PCDHGA3: variants seen among roughly 807,000 people sequenced by gnomAD.
PCDHGA3 encodes protocadherin gamma-A3.
A neutral mutation model predicts 58.5 loss-of-function variants in PCDHGA3; 40 were observed. That is an observed-to-expected ratio of 0.68 (90% CI 0.53 to 0.89). The LOEUF is 0.89. Among genes scored for constraint, PCDHGA3 ranks in the 40% least tolerant of loss-of-function variants. PCDHGA3 has a pLI of 0.00. For missense variants in PCDHGA3, 1,223 were observed against 1,195.9 expected, an observed-to-expected ratio of 1.02 and a Z score of -0.33; for synonymous variants, 530 against 525.7, an observed-to-expected ratio of 1.01 and a Z score of -0.11.
In PCDHGA3 at chr5:141,432,293, G is replaced by A; in HGVS notation, c.2425-62514G>A. On this transcript the variant is annotated intron_variant, in intron 1 of 3. Transcript: ENST00000253812. The surrounding 1 kb of genome is among the most constrained non-coding windows in gnomAD (Gnocchi z 6.0). ...CTACGTGTCCATCAACTCCGACACT[G>A]GGGTACTGTATGCGCTGAGCTCCTT... 1 of 1,614,254 alleles carries A rather than the reference G, an allele frequency of 6.2e-7. No homozygotes were observed. Among genetic ancestry groups the A allele is most frequent in the Non-Finnish European group, 8.5e-7 (1 of 1,180,040 alleles).
At chr5:141,434,561 G>A (rs2097702856) in intron 1 of PCDHGA3, among the ~76,000 whole-genome samples, 1 of 152,188 alleles carries the variant, frequency 6.6e-6, no homozygotes, top group Non-Finnish European at 1.5e-5. Flanking sequence ...GTGCCTTAAG[G>A]ACATGCCCCT....
At chr5:141,386,122 A>G (rs980639132) in intron 1 of PCDHGA3, 1 of 152,152 alleles carries the variant, frequency 6.6e-6, no homozygotes, top group Non-Finnish European at 1.5e-5. Flanking sequence ...AAAGTGGGAG[A>G]TTGGGGATAC....
rs1390278177 is a variant in PCDHGA3, at chr5:141,366,317, G to A, written c.2424+19860G>A. The A allele has an allele frequency of 1.9e-6, 3 of 1,613,628 alleles. No homozygotes were observed. In the South Asian group the frequency reaches 3.3e-5, roughly 18 times the overall value. ...GTCAGCCACCTTCACGGTCACCGTT[G>A]CCGTGGCCGACAGGATCCCTGACAT... On this transcript the variant is annotated intron_variant, in intron 1 of 3. Coordinates refer to ENST00000253812, the MANE Select transcript of PCDHGA3 (RefSeq NM_018916.4).
intron 1 of PCDHGA3, chr5:141,389,914 C>T (rs754458764): frequency 6.2e-7 from 1 of 1,613,956 alleles, no homozygotes; most frequent in South Asian, 1.1e-5. Flanking sequence ...ACTGACCGCC[C>T]CGACCCCTCT....
chr5:141,388,775 G>A (rs1187741321), intron 1 of PCDHGA3: 1 of 1,613,726 alleles, frequency 6.2e-7, no homozygotes, highest in Non-Finnish European at 8.5e-7. Context: ...CTAACACCGG[G>A]GAAATTACTG....
chr5:141,356,677 G>A (rs759254327), intron 1 of PCDHGA3: 78 of 1,613,980 alleles, frequency 4.8e-5, no homozygotes, highest in Middle Eastern at 1.6e-4. Flanking sequence ...CTCCCTGGCC[G>A]AAGACACCTT....
rs771503687 is a variant in PCDHGA3 at position 141,383,368 on chromosome 5, G to T, written c.2424+36911G>T. 3 of 1,614,014 alleles carry T rather than the reference G, an allele frequency of 1.9e-6. No individual in the cohort carries two copies. In the East Asian group the frequency reaches 6.7e-5, roughly 36 times the overall value. ...TGGGGTTCGGTTTCCGTTAAGCGAG[G>T]CTGGGGATCCAGATGTGGGCACGAA... On this transcript the variant is annotated intron_variant, in intron 1 of 3. Coordinates refer to ENST00000253812, the MANE Select transcript of PCDHGA3 (RefSeq NM_018916.4).
At chr5:141,435,054 C>A (rs891988253) in intron 1 of PCDHGA3, among the ~76,000 whole-genome samples, 7 of 151,964 alleles carry the variant, frequency 4.6e-5, no homozygotes, top group Admixed American at 1.3e-4. Context: ...ATTGACCATG[C>A]AGCAGTTTTG....
rs978049964 is a variant in PCDHGA3 at position 141,376,740 on chromosome 5, G to A, written c.2424+30283G>A. On this transcript the variant is annotated intron_variant, in intron 1 of 3. Coordinates refer to ENST00000253812, the MANE Select transcript of PCDHGA3 (RefSeq NM_018916.4). ...TGTCGCCCAGGCCGGACTGCGGACT[G>A]CAGTGGCGCAATCTCGGCTCACTGC... is the stretch of plus-strand genomic sequence containing the variant. 6 of 494,230 alleles carry A rather than the reference G, an allele frequency of 1.2e-5. No homozygotes were observed. In the Admixed American group the frequency reaches 1.2e-4, roughly 10 times the overall value. The allele number at this position is 494,230 out of a possible 1,614,324, so 30.6% of individuals were successfully genotyped here.
intron 1 of PCDHGA3, chr5:141,384,125 A>T (rs376990785): frequency 1.2e-6 from 2 of 1,610,814 alleles, no homozygotes; most frequent in Non-Finnish European, 1.7e-6. Flanking sequence ...ACAACCAAAA[A>T]CTTGGACCGG....
Position 141,490,345 on chromosome 5 carries a change from G to C in PCDHGA3, c.2425-4462G>C, listed in dbSNP as rs2099698831. On this transcript the variant is annotated intron_variant, in intron 1 of 3. Coordinates refer to ENST00000253812, the MANE Select transcript of PCDHGA3 (RefSeq NM_018916.4). This position sits in a 1 kb window ranked among gnomAD's most constrained non-coding sequence, Gnocchi z 5.4. ...AGAGAGCACACCAGTGGGCACAGTA[G>C]TGGGGTTGTTTAATGTGCGAGACCG... is the stretch of plus-strand genomic sequence containing the variant. 1 of 1,614,216 alleles carries C rather than the reference G, an allele frequency of 6.2e-7. No homozygotes were observed. Among genetic ancestry groups the C allele is most frequent in the Non-Finnish European group, 8.5e-7 (1 of 1,180,034 alleles).
At chr5:141,509,094 T>C (rs1038935185) in intron 3 of PCDHGA3, among the ~76,000 whole-genome samples, 4 of 152,152 alleles carry the variant, frequency 2.6e-5, no homozygotes, top group African/African-American at 9.7e-5. Context: ...AAATGGGGGC[T>C]GTAGAAACCT....
Position 141,432,292 on chromosome 5 carries a change from T to G in PCDHGA3, c.2425-62515T>G. 6.2e-7 allele frequency: 1 copy of G among 1,614,196 alleles called. No homozygotes were observed. The highest frequency in any genetic ancestry group is 8.5e-7 in the Non-Finnish European group (1 of 1,180,042). On this transcript the variant is annotated intron_variant, in intron 1 of 3. Transcript: ENST00000253812. This position sits in a 1 kb window ranked among gnomAD's most constrained non-coding sequence, Gnocchi z 6.0. Reference sequence around the variant, plus strand: ...CCTACGTGTCCATCAACTCCGACACTGGGGTACTGTATGCGCTGAGCTCCT... The same window carrying G: ...CCTACGTGTCCATCAACTCCGACACGGGGGTACTGTATGCGCTGAGCTCCT...
Position 141,373,957 on chromosome 5 carries a change from C to A in PCDHGA3, c.2424+27500C>A, listed in dbSNP as rs114705983. ...CAGGAAAGCTGTGCAGAAATTCTGA[C>A]CTGAAACGCTTCGCATCCGGTCTCT... On this transcript the variant is annotated intron_variant, in intron 1 of 3. Coordinates refer to ENST00000253812, the MANE Select transcript of PCDHGA3 (RefSeq NM_018916.4). 3.8e-3 allele frequency: 3,425 copies of A among 890,772 alleles called. 11 individuals carry two copies. Among genetic ancestry groups the A allele is most frequent in the Non-Finnish European group, 4.4e-3 (2,783 of 626,468 alleles). The allele number at this position is 890,772 out of a possible 1,614,324, so 55.2% of individuals were successfully genotyped here.
intron 1 of PCDHGA3, chr5:141,366,625 G>C: frequency 6.2e-7 from 1 of 1,614,274 alleles, no homozygotes; most frequent in Non-Finnish European, 8.5e-7. Flanking sequence ...ACTCGAGGAA[G>C]AGTCACCTGA....
At chr5:141,361,434 C>T in intron 1 of PCDHGA3, 1 of 1,614,066 alleles carries the variant, frequency 6.2e-7, no homozygotes, top group Non-Finnish European at 8.5e-7. Context: ...CGCCCCTCTC[C>T]TCCAGCATAA....
chr5:141,380,009 C>T lies in PCDHGA3; in HGVS notation c.2424+33552C>T, dbSNP rs529470373. Among the ~76,000 whole-genome samples the T allele has an allele frequency of 3.4e-5, 5 of 149,132 alleles. No individual in the cohort carries two copies. The South Asian group carries it at 8.7e-4, about 26-fold the overall frequency. ...CCTCCTCCTGGGTTCAAGCGATTCT[C>T]CTGCCTCAGCCTCCCAAGTAGCTGG... On this transcript the variant is annotated intron_variant, in intron 1 of 3. Transcript: ENST00000253812.
chr5:141,351,275 A>T, intron 1 of PCDHGA3: 4 of 1,613,966 alleles, frequency 2.5e-6, no homozygotes, highest in Non-Finnish European at 3.4e-6. Context: ...CGAGAATGAC[A>T]ATGCCCCAGA....
At chr5:141,364,779 C>T (rs1036037278) in intron 1 of PCDHGA3, 1 of 1,613,980 alleles carries the variant, frequency 6.2e-7, no homozygotes, top group East Asian at 2.2e-5. Flanking sequence ...GCTGCAGGGA[C>T]ACGGTTAGTG....
Sources: allele counts gnomAD v4.1 joint callset (sites outside exome capture counted in the v4.1 genomes callset), GRCh38; gene constraint gnomAD v4.1.1; non-coding constraint Gnocchi (gnomAD v3.1); transcripts MANE v1.5; gene names NCBI Gene and HGNC (gene_info 2026-07-23, HGNC 2026-07-21).